Variants in KSR2 observed in about 807,000 individuals in gnomAD.
The protein encoded by KSR2 is kinase suppressor of ras 2.
In KSR2, 25 loss-of-function variants were observed where a neutral mutation model predicts 107.8. That is an observed-to-expected ratio of 0.23 (90% CI 0.17 to 0.32). The LOEUF (loss-of-function observed/expected upper bound fraction) is 0.32. Among genes scored for constraint, KSR2 ranks in the 10% least tolerant of loss-of-function variants. The pLI is 1.00. For synonymous variants in KSR2, 480 were observed against 507.0 expected (o/e 0.95, Z 0.71); for missense variants, 887 against 1,268.9 (o/e 0.70, Z 4.57).
At chr12:117,705,102 GTCCA>G (rs1886471869) in intron 4 of KSR2, among the ~76,000 whole-genome samples, 1 of 152,108 alleles carries the variant, frequency 6.6e-6, no homozygotes, top group African/African-American at 2.4e-5. Context: ...GGGACTTAGA[GTCCA>G]TCCTATAAAG....
chr12:117,657,790 C>A (rs1200906044), intron 5 of KSR2, among the ~76,000 whole-genome samples: 1 of 152,208 alleles, frequency 6.6e-6, no homozygotes, highest in East Asian at 1.9e-4. Context: ...TCGTTGCTAT[C>A]TATTCAAAAC....
At chr12:117,774,652 T>C (rs1889622960) in intron 3 of KSR2, among the ~76,000 whole-genome samples, 1 of 152,220 alleles carries the variant, frequency 6.6e-6, no homozygotes, top group Admixed American at 6.5e-5. Context: ...CAAAGCTCTT[T>C]TTAAGAAAAA....
intron 5 of KSR2, among the ~76,000 whole-genome samples, chr12:117,590,574 A>T (rs761735757): frequency 1.1e-4 from 16 of 152,224 alleles, no homozygotes; most frequent in Non-Finnish European, 2.1e-4. Context: ...TGTCACTGTC[A>T]TCATCACTCT....
intron 14 of KSR2, among the ~76,000 whole-genome samples, chr12:117,504,983 C>G (rs943199892): frequency 6.6e-5 from 10 of 152,174 alleles, no homozygotes; most frequent in African/African-American, 2.2e-4. Context: ...CATAGCTTAG[C>G]TCCCACTTGT....
At chr12:117,961,862 G>A (rs1214306213) in intron 1 of KSR2, among the ~76,000 whole-genome samples, 1 of 152,174 alleles carries the variant, frequency 6.6e-6, no homozygotes, top group Non-Finnish European at 1.5e-5. Context: ...GAAATGATGG[G>A]AGGCCAGGCG....
At chr12:117,747,128 C>T (rs1888437832) in intron 4 of KSR2, among the ~76,000 whole-genome samples, 1 of 152,148 alleles carries the variant, frequency 6.6e-6, no homozygotes, top group South Asian at 2.1e-4. Flanking sequence ...AAGACACATG[C>T]ACACGTATGT....
rs1041498113 is a variant in KSR2 at position 117,459,626 on chromosome 12, C to A, written c.*7573G>T. 2 of 152,244 alleles carry A rather than the reference C, an allele frequency of 1.3e-5. No homozygotes were observed. The highest frequency in any genetic ancestry group is 4.8e-5 in the African/African-American group (2 of 41,460). The allele number at this position is 152,244 out of a possible 1,614,324, so 9.4% of individuals were successfully genotyped here. On this transcript the variant is annotated 3_prime_UTR_variant, in exon 20 of 20. Transcript: ENST00000339824. ...GATGAAAACTCAGGTGAAAACTTAA[C>A]CCTTCTGAGGGTGTTACATCTTATA...
At chr12:117,616,229 TA>T (rs1007154752) in intron 5 of KSR2, among the ~76,000 whole-genome samples, 1 of 151,464 alleles carries the variant, frequency 6.6e-6, no homozygotes, top group African/African-American at 2.4e-5. Context: ...AATATTTTTA[TA>T]AATATTTAAA....
chr12:117,734,232 C>G (rs554723), intron 4 of KSR2, among the ~76,000 whole-genome samples: 121,826 of 149,242 alleles, frequency 0.82, 49,848 homozygotes, highest in Middle Eastern at 0.92. Flanking sequence ...AGTGAGCTGG[C>G]ATTGCACCAC....
chr12:117,468,087 G>C (rs1445965615), intron 19 of KSR2, among the ~76,000 whole-genome samples: 1 of 152,128 alleles, frequency 6.6e-6, no homozygotes, highest in Non-Finnish European at 1.5e-5. Flanking sequence ...CCTTTAGCTG[G>C]GCAGAGTTTT....
At chr12:117,830,339 C>G (rs536611719) in intron 3 of KSR2, among the ~76,000 whole-genome samples, 9 of 151,234 alleles carry the variant, frequency 6.0e-5, no homozygotes, top group Non-Finnish European at 1.0e-4. Context: ...ACAAAAGGCA[C>G]AGGGGACTCC....
chr12:117,584,144 C>G (rs78564684), intron 5 of KSR2, among the ~76,000 whole-genome samples: 1,691 of 152,226 alleles, frequency 0.011, 28 homozygotes, highest in African/African-American at 0.039. Flanking sequence ...AAGAGGGAGA[C>G]AGCATGATTT....
chr12:117,872,343 C>A (rs61939882), intron 1 of KSR2, among the ~76,000 whole-genome samples: 1 of 152,034 alleles, frequency 6.6e-6, no homozygotes, highest in Non-Finnish European at 1.5e-5. Context: ...GCTGGAGGAT[C>A]GCTTAAGGCC....
At chr12:117,814,758 G>C (rs1258902892) in intron 3 of KSR2, among the ~76,000 whole-genome samples, 2 of 152,038 alleles carry the variant, frequency 1.3e-5, no homozygotes, top group South Asian at 2.1e-4. Context: ...GTTTGAGCAG[G>C]ATCCCTCAAA....
chr12:117,826,489 G>C (rs746064645), intron 3 of KSR2, among the ~76,000 whole-genome samples: 35 of 125,294 alleles, frequency 2.8e-4, no homozygotes, highest in Non-Finnish European at 5.7e-4. Context: ...TGAAGACTAA[G>C]GGGAAAAAAC....
chr12:117,696,789 A>T (rs1886077781), intron 4 of KSR2, among the ~76,000 whole-genome samples: 1 of 152,128 alleles, frequency 6.6e-6, no homozygotes, highest in Non-Finnish European at 1.5e-5. Flanking sequence ...CATCCACAAA[A>T]CACCTAAGAA....
At chr12:117,689,751 T>C (rs899357262) in intron 4 of KSR2, among the ~76,000 whole-genome samples, 8 of 151,704 alleles carry the variant, frequency 5.3e-5, no homozygotes, top group Non-Finnish European at 8.8e-5. Context: ...TAAATATGTA[T>C]ACATGCATTT....
intron 1 of KSR2, among the ~76,000 whole-genome samples, chr12:117,943,988 C>T (rs1896096582): frequency 6.6e-6 from 1 of 152,142 alleles, no homozygotes; most frequent in Non-Finnish European, 1.5e-5. Context: ...TTTCACCTTT[C>T]ACCATGATTG....
intron 5 of KSR2, among the ~76,000 whole-genome samples, chr12:117,621,755 A>G (rs1882211397): frequency 6.6e-6 from 1 of 152,200 alleles, no homozygotes; most frequent in Non-Finnish European, 1.5e-5. Context: ...GGAACTCTAT[A>G]CTATTTTTGC....
Sources: gnomAD v4.1 joint callset for allele counts (sites outside exome capture counted in the v4.1 genomes callset) on GRCh38, gnomAD v4.1.1 for gene constraint, MANE v1.5 for transcripts, NCBI Gene and HGNC (gene_info 2026-07-23, HGNC 2026-07-21) for gene names.